TAFA5: variants seen among roughly 807,000 people sequenced by gnomAD.
The protein encoded by TAFA5 is TAFA chemokine like family member 5, also known as chemokine-like protein TAFA-5.
In TAFA5, 6 loss-of-function variants were observed where a neutral mutation model predicts 15.3. The observed-to-expected ratio is 0.39, with a 90% confidence interval of 0.21 to 0.77. The LOEUF (loss-of-function observed/expected upper bound fraction) is 0.77. Among genes scored for constraint, TAFA5 ranks in the 30% least tolerant of loss-of-function variants. TAFA5 has a pLI of 0.41. For missense variants in TAFA5, 161 were observed against 193.1 expected (o/e 0.83, Z 0.98); for synonymous variants, 103 against 80.7 (o/e 1.28, Z -1.48).
intron 3 of TAFA5, among the ~76,000 whole-genome samples, chr22:48,730,092 G>C (rs1448862783): frequency 6.6e-6 from 1 of 151,802 alleles, no homozygotes; most frequent in Non-Finnish European, 1.5e-5. Flanking sequence ...TCCTTTAAAA[G>C]AAAAAAAAGA....
chr22:48,687,414 G>A (rs1352001610), intron 2 of TAFA5, among the ~76,000 whole-genome samples: 1 of 149,960 alleles, frequency 6.7e-6, no homozygotes, highest in African/African-American at 2.5e-5. Context: ...AGATAGATGG[G>A]TGGGTAGATA....
At chr22:48,508,625 C>T (rs534198852) in intron 1 of TAFA5, among the ~76,000 whole-genome samples, 1 of 152,192 alleles carries the variant, frequency 6.6e-6, no homozygotes, top group Non-Finnish European at 1.5e-5. Context: ...CCCAAGCGTT[C>T]CCTGTAACAA....
intron 2 of TAFA5, among the ~76,000 whole-genome samples, chr22:48,675,772 TA>T (rs1386809247): frequency 1.3e-5 from 2 of 152,226 alleles, no homozygotes; most frequent in African/African-American, 4.8e-5. Context: ...CCTGCTCTCT[TA>T]TTCTTCAAGA....
In TAFA5 at chr22:48,525,878, C is replaced by T. The variant is rs74521570; in HGVS notation, c.112+36174C>T. 0.018 allele frequency among the ~76,000 whole-genome samples: 2,795 copies of T among 152,314 alleles called. 133 individuals carry two copies. In the East Asian group the frequency reaches 0.19, roughly 10 times the overall value. ...CAGAGGCGTGGAGATGTGTGTGGCT[C>T]ATTCCCTCCTTACTCTCCCCACCTG... On this transcript the variant is annotated intron_variant, in intron 1 of 3. Transcript: ENST00000402357.
chr22:48,684,672 G>C (rs1928298952), intron 2 of TAFA5, among the ~76,000 whole-genome samples: 1 of 152,224 alleles, frequency 6.6e-6, no homozygotes, highest in Non-Finnish European at 1.5e-5. Context: ...GAGGTTGTCA[G>C]CTGGGACAGG....
intron 3 of TAFA5, among the ~76,000 whole-genome samples, chr22:48,743,053 C>G (rs1479200307): frequency 6.6e-6 from 1 of 152,178 alleles, no homozygotes; most frequent in Non-Finnish European, 1.5e-5. Context: ...CTGTGTGAGT[C>G]TCCGGGAGCC....
intron 2 of TAFA5, among the ~76,000 whole-genome samples, chr22:48,698,952 TTTTTG>T (rs1182843171): frequency 3.2e-3 from 113 of 35,142 alleles, no homozygotes; most frequent in African/African-American, 0.012. Flanking sequence ...TTTTTTTTTT[TTTTTG>T]GCGCGACCAA....
intron 1 of TAFA5, among the ~76,000 whole-genome samples, chr22:48,591,780 G>A (rs1015417062): frequency 2.0e-5 from 3 of 152,312 alleles, no homozygotes; most frequent in African/African-American, 7.2e-5. Flanking sequence ...AGATGGTGGC[G>A]TGGCAGAGGG....
intron 3 of TAFA5, among the ~76,000 whole-genome samples, chr22:48,710,049 C>T (rs13056278): frequency 0.1 from 15,784 of 152,272 alleles, 1,054 homozygotes; most frequent in Non-Finnish European, 0.15. Context: ...ACCCCCTCTA[C>T]CTTGCTTCAG....
chr22:48,647,157 T>G (rs1926897296), intron 2 of TAFA5, among the ~76,000 whole-genome samples: 1 of 152,152 alleles, frequency 6.6e-6, no homozygotes, highest in African/African-American at 2.4e-5. Context: ...ACCTGGCTCC[T>G]TGTCTCTGGG....
At chr22:48,551,814 G>A (rs983045694) in intron 1 of TAFA5, among the ~76,000 whole-genome samples, 7 of 152,136 alleles carry the variant, frequency 4.6e-5, no homozygotes, top group East Asian at 1.9e-4. Flanking sequence ...CCTCTGCCCC[G>A]CCCGCTCCCC....
intron 2 of TAFA5, among the ~76,000 whole-genome samples, chr22:48,706,436 A>C (rs930708206): frequency 1.3e-5 from 2 of 152,214 alleles, no homozygotes; most frequent in Non-Finnish European, 2.9e-5. Context: ...CATGCAGTCC[A>C]TCCACTTGGC....
chr22:48,666,309 T>A (rs142525477), intron 2 of TAFA5, among the ~76,000 whole-genome samples: 15 of 152,312 alleles, frequency 9.8e-5, no homozygotes, highest in African/African-American at 3.1e-4. Context: ...CAGTGTCTGA[T>A]GGCCATGGAG....
At position 48,596,379 on chromosome 22, in the gene TAFA5, G is replaced by A. The variant is rs145156569; in HGVS notation, c.113-50218G>A. 3.5e-3 allele frequency among the ~76,000 whole-genome samples: 535 copies of A among 152,298 alleles called. 3 individuals carry two copies. The highest frequency in any genetic ancestry group is 0.012 in the African/African-American group (515 of 41,566). On this transcript the variant is annotated intron_variant, in intron 1 of 3. Transcript: ENST00000402357. ...GGCTAAGGGACACCAGCCCCCTCCC[G>A]GTGTGGTCCTCACTGATTAACGCTC...
intron 1 of TAFA5, among the ~76,000 whole-genome samples, chr22:48,503,018 G>GGTCCCA (rs1191328930): frequency 6.6e-6 from 1 of 152,080 alleles, no homozygotes; most frequent in South Asian, 2.1e-4. Flanking sequence ...GAAGGATGTG[G>GGTCCCA]GTCCCAGATC....
At chr22:48,584,853 C>T (rs531572889) in intron 1 of TAFA5, among the ~76,000 whole-genome samples, 32 of 149,596 alleles carry the variant, frequency 2.1e-4, no homozygotes, top group Middle Eastern at 3.4e-3. Context: ...GCACACAACA[C>T]GCTAAATACA....
Position 48,749,824 on chromosome 22 carries a change from C to G in TAFA5, c.391-15C>G. On this transcript the variant is annotated splice_polypyrimidine_tract_variant and intron_variant, in intron 3 of 3. Transcript: ENST00000402357. ...TCTGCAGGAGGCTCACCCTCTCTCT[C>G]TCTTTGCTCCTCAGGTCTCCTGACA... 6.4e-7 allele frequency: 1 copy of G among 1,560,976 alleles called. No individual in the cohort carries two copies. The highest frequency in any genetic ancestry group is 1.2e-5 in the South Asian group (1 of 84,602).
chr22:48,729,935 G>C (rs1929822838), intron 3 of TAFA5, among the ~76,000 whole-genome samples: 1 of 152,076 alleles, frequency 6.6e-6, no homozygotes, highest in Admixed American at 6.6e-5. Flanking sequence ...CAGCCTAGCA[G>C]CTGCATACAC....
At chr22:48,631,506 G>A (rs940586841) in intron 1 of TAFA5, among the ~76,000 whole-genome samples, 7 of 152,208 alleles carry the variant, frequency 4.6e-5, no homozygotes, top group Admixed American at 6.5e-5. Flanking sequence ...GCATCCTCAC[G>A]ACTGCTGTGA....
Sources: gnomAD v4.1 joint callset for allele counts (sites outside exome capture counted in the v4.1 genomes callset) on GRCh38, gnomAD v4.1.1 for gene constraint, MANE v1.5 for transcripts, NCBI Gene and HGNC (gene_info 2026-07-23, HGNC 2026-07-21) for gene names.